PDGFC: variants seen among roughly 807,000 people sequenced by gnomAD.
PDGFC encodes the protein platelet derived growth factor C, also known as platelet-derived growth factor C.
PDGFC carries 12 observed loss-of-function variants against 35.5 expected under a neutral mutation model. That is an observed-to-expected ratio of 0.34 (90% CI 0.22 to 0.55). The LOEUF is 0.55. Ranked by LOEUF, PDGFC falls within the 20% of genes least tolerant of loss-of-function variation. PDGFC has a pLI of 0.91. For missense variants in PDGFC, 322 were observed against 412.4 expected (o/e 0.78, Z 1.90); for synonymous variants, 159 against 148.8 (o/e 1.07, Z -0.50).
At chr4:156,950,683 C>T (rs192079600) in intron 1 of PDGFC, among the ~76,000 whole-genome samples, 2 of 151,572 alleles carry the variant, frequency 1.3e-5, no homozygotes, top group Admixed American at 1.3e-4. Context: ...TTCCTCTCCA[C>T]TATAGTTCAA....
At chr4:156,958,175 A>AT (rs946399048) in intron 1 of PDGFC, among the ~76,000 whole-genome samples, 52 of 152,004 alleles carry the variant, frequency 3.4e-4, no homozygotes, top group African/African-American at 1.3e-3. Flanking sequence ...ACTAAGCCTA[A>AT]TTTCTCTTTG....
chr4:156,859,950 T>C (rs1321675489), intron 1 of PDGFC, among the ~76,000 whole-genome samples: 3 of 152,144 alleles, frequency 2.0e-5, no homozygotes, highest in African/African-American at 7.2e-5. Flanking sequence ...ATTCTAGAAT[T>C]GGCTTGACTG....
At chr4:156,962,639 C>T (rs1732369475) in intron 1 of PDGFC, among the ~76,000 whole-genome samples, 1 of 152,132 alleles carries the variant, frequency 6.6e-6, no homozygotes, top group South Asian at 2.1e-4. Flanking sequence ...TCTAATAAAA[C>T]ATTAGACCAT....
intron 1 of PDGFC, among the ~76,000 whole-genome samples, chr4:156,904,726 T>C (rs996595182): frequency 6.6e-6 from 1 of 152,062 alleles, no homozygotes; most frequent in Non-Finnish European, 1.5e-5. Context: ...GCTGGTAAAA[T>C]AGTACCTGCC....
intron 1 of PDGFC, among the ~76,000 whole-genome samples, chr4:156,918,427 C>T (rs1225873853): frequency 6.6e-6 from 1 of 152,152 alleles, no homozygotes; most frequent in Non-Finnish European, 1.5e-5. Context: ...AAGGTTATAG[C>T]CATAGACGAT....
At chr4:156,861,515 T>C (rs1223906459) in intron 1 of PDGFC, 1 of 1,009,392 alleles carries the variant, frequency 9.9e-7, no homozygotes, top group Admixed American at 2.3e-5. Context: ...GATAGTAAAA[T>C]TGAGTCTTTT....
chr4:156,766,018 C>A (rs115365541), intron 5 of PDGFC, among the ~76,000 whole-genome samples: 2,643 of 152,194 alleles, frequency 0.017, 35 homozygotes, highest in Non-Finnish European at 0.028. Context: ...AAGTCACATG[C>A]AAACAAATGT....
intron 1 of PDGFC, among the ~76,000 whole-genome samples, chr4:156,874,329 G>T (rs1730058023): frequency 6.6e-6 from 1 of 152,036 alleles, no homozygotes; most frequent in South Asian, 2.1e-4. Context: ...AAATATTATA[G>T]ATCATCAGCT....
intron 1 of PDGFC, among the ~76,000 whole-genome samples, chr4:156,956,328 C>T (rs768375758): frequency 1.4e-4 from 21 of 152,004 alleles, no homozygotes; most frequent in Non-Finnish European, 2.6e-4. Flanking sequence ...GTTTGGTCCT[C>T]AGTCCGATGG....
intron 1 of PDGFC, among the ~76,000 whole-genome samples, chr4:156,869,582 C>A (rs188614916): frequency 6.6e-6 from 1 of 152,114 alleles, no homozygotes; most frequent in Non-Finnish European, 1.5e-5. Flanking sequence ...AGCCCTTCAA[C>A]GCAAGAGTTT....
rs550512686 is a variant in PDGFC, at chr4:156,898,926, G to A, written c.119-48510C>T. 2.4e-4 allele frequency among the ~76,000 whole-genome samples: 37 copies of A among 152,258 alleles called. 1 individual carries two copies. Among genetic ancestry groups the A allele is most frequent in the Admixed American group, 2.3e-3 (35 of 15,300 alleles). ...CCTGCCTTGGTCTCCCAGTGTGCTG[G>A]GATTACAGGCATGAGTCACTGAGCC... On this transcript the variant is annotated intron_variant, in intron 1 of 5. Coordinates refer to ENST00000502773, the MANE Select transcript of PDGFC (RefSeq NM_016205.3).
At chr4:156,836,101 C>G (rs1322973437) in intron 2 of PDGFC, 1 of 152,138 alleles carries the variant, frequency 6.6e-6, no homozygotes, top group Non-Finnish European at 1.5e-5. Flanking sequence ...ATGACATAAT[C>G]TAGTGCTCTG....
chr4:156,875,903 C>T (rs1730106001), intron 1 of PDGFC, among the ~76,000 whole-genome samples: 1 of 152,020 alleles, frequency 6.6e-6, no homozygotes. Context: ...AGTGATTTCG[C>T]ACAGAAAACT....
chr4:156,913,824 A>T (rs1731097551), intron 1 of PDGFC, among the ~76,000 whole-genome samples: 1 of 152,078 alleles, frequency 6.6e-6, no homozygotes, highest in African/African-American at 2.4e-5. Flanking sequence ...CCCGTTGGTG[A>T]GTCCTCTCTC....
At chr4:156,888,020 AG>A (rs1452000237) in intron 1 of PDGFC, among the ~76,000 whole-genome samples, 3 of 151,022 alleles carry the variant, frequency 2.0e-5, no homozygotes, top group Non-Finnish European at 2.9e-5. Flanking sequence ...AAAAAAAAAA[AG>A]ATTGATAAAT....
At chr4:156,803,702 A>C (rs922561721) in intron 3 of PDGFC, among the ~76,000 whole-genome samples, 33 of 152,196 alleles carry the variant, frequency 2.2e-4, no homozygotes, top group African/African-American at 7.7e-4. Flanking sequence ...AATATTTGCC[A>C]TTTAGAAACA....
intron 1 of PDGFC, among the ~76,000 whole-genome samples, chr4:156,877,140 TATG>T (rs1174213569): frequency 1.3e-5 from 2 of 152,072 alleles, no homozygotes; most frequent in African/African-American, 4.8e-5. Flanking sequence ...TGTATATATT[TATG>T]AGGTACATGA....
At position 156,772,872 on chromosome 4, in the gene PDGFC, G is replaced by A. The variant is rs761532550; in HGVS notation, c.517C>T (p.Pro173Ser). Residue 173 changes from proline to serine, a missense_variant, in exon 4 of 6, where the codon CCT becomes TCT. Coordinates refer to ENST00000502773, the MANE Select transcript of PDGFC (RefSeq NM_016205.3). Reference sequence around the variant, plus strand: ...AAAGCTGAAGGGGGTAGCACTGAAGGACTCACAGCTTCTGTGAATTGCTGA... The same window carrying A: ...AAAGCTGAAGGGGGTAGCACTGAAGAACTCACAGCTTCTGTGAATTGCTGA... ...VMPQFTEAVSPSVLPPSALPL... is the reference protein window; with the variant it reads ...VMPQFTEAVSSSVLPPSALPL... 1.2e-5 allele frequency: 19 copies of A among 1,611,864 alleles called. No individual in the cohort carries two copies. The highest frequency in any genetic ancestry group is 1.5e-5 in the Non-Finnish European group (18 of 1,178,184).
intron 1 of PDGFC, among the ~76,000 whole-genome samples, chr4:156,900,613 G>T (rs1161572294): frequency 3.3e-5 from 5 of 152,132 alleles, no homozygotes; most frequent in Non-Finnish European, 5.9e-5. Flanking sequence ...GGCTGAGATG[G>T]GTGGATTGCT....
Sources: allele counts gnomAD v4.1 joint callset (sites outside exome capture counted in the v4.1 genomes callset), GRCh38; gene constraint gnomAD v4.1.1; transcripts MANE v1.5; gene names NCBI Gene and HGNC (gene_info 2026-07-23, HGNC 2026-07-21).